The following CPNE4 variants were observed in gnomAD, a reference collection of about 807,000 sequenced individuals.
CPNE4 encodes copine 4, also known as copine-4.
CPNE4 carries 25 observed loss-of-function variants against 67.9 expected under a neutral mutation model. That is an observed-to-expected ratio of 0.37 (90% CI 0.27 to 0.51). CPNE4 has a LOEUF of 0.51. Ranked by LOEUF, CPNE4 falls within the 20% of genes least tolerant of loss-of-function variation. The pLI, the probability that CPNE4 is intolerant of heterozygous loss-of-function variation, is 0.93. For synonymous variants in CPNE4, 242 were observed against 244.9 expected (o/e 0.99, Z 0.11); for missense variants, 464 against 690.8 (o/e 0.67, Z 3.68).
intron 15 of CPNE4, among the ~76,000 whole-genome samples, chr3:131,538,084 T>C (rs937036374): frequency 6.6e-6 from 1 of 152,252 alleles, no homozygotes; most frequent in Non-Finnish European, 1.5e-5. Flanking sequence ...ATGTTACCCT[T>C]GGTTAAAAAC....
chr3:131,627,206 A>AAG (rs1342110309), intron 7 of CPNE4, among the ~76,000 whole-genome samples: 2 of 148,916 alleles, frequency 1.3e-5, no homozygotes, highest in Non-Finnish European at 1.5e-5. Context: ...AAAAAAAAAA[A>AAG]AAAAGAAAAA....
chr3:131,581,730 G>A (rs996915568), intron 8 of CPNE4, 65 bp from the exon 9 acceptor site: 3 of 1,094,654 alleles, frequency 2.7e-6, no homozygotes, highest in Admixed American at 1.7e-5. Context: ...ATAAGGCCAA[G>A]CTCCTAGGTG....
intron 6 of CPNE4, among the ~76,000 whole-genome samples, chr3:131,671,779 T>G (rs879758838): frequency 1.4e-4 from 21 of 152,272 alleles, no homozygotes; most frequent in Non-Finnish European, 2.6e-4. Flanking sequence ...TTTTATTTTT[T>G]GGGCTGTTAC....
intron 2 of CPNE4, among the ~76,000 whole-genome samples, chr3:131,825,964 T>G (rs2085142654): frequency 6.6e-6 from 1 of 152,226 alleles, no homozygotes; most frequent in Non-Finnish European, 1.5e-5. Context: ...CCCTTTTGGA[T>G]AAGCTTCCTT....
chr3:131,619,921 A>G (rs1940370596), intron 7 of CPNE4, among the ~76,000 whole-genome samples: 1 of 152,220 alleles, frequency 6.6e-6, no homozygotes, highest in South Asian at 2.1e-4. Flanking sequence ...TTAAGGAGGT[A>G]GAATTGACAG....
At chr3:131,732,113 G>A (rs1583101039) in intron 2 of CPNE4, among the ~76,000 whole-genome samples, 1 of 152,252 alleles carries the variant, frequency 6.6e-6, no homozygotes, top group East Asian at 1.9e-4. Context: ...AGGAACCAGG[G>A]CTAGTGTGTG....
At chr3:131,783,137 G>A (rs1042907315) in intron 2 of CPNE4, among the ~76,000 whole-genome samples, 3 of 152,002 alleles carry the variant, frequency 2.0e-5, no homozygotes, top group Admixed American at 6.6e-5. Flanking sequence ...AAATTAAAAC[G>A]ACAAATGCAA....
chr3:131,590,445 G>T (rs1236929885), intron 7 of CPNE4, among the ~76,000 whole-genome samples: 1 of 152,128 alleles, frequency 6.6e-6, no homozygotes, highest in Non-Finnish European at 1.5e-5. Flanking sequence ...TGACCTATGT[G>T]TGGGTAGGAA....
chr3:132,021,899 C>T (rs2074005341), intron 1 of CPNE4, among the ~76,000 whole-genome samples: 1 of 152,168 alleles, frequency 6.6e-6, no homozygotes, highest in African/African-American at 2.4e-5. Context: ...AACTGTTTCT[C>T]TCCATCCAAG....
chr3:132,010,081 G>A (rs553211975), intron 1 of CPNE4, among the ~76,000 whole-genome samples: 1 of 152,300 alleles, frequency 6.6e-6, no homozygotes, highest in Admixed American at 6.5e-5. Context: ...CATGGGGCGT[G>A]TCTTTGAAAA....
At chr3:131,631,480 A>G (rs2079220124) in intron 7 of CPNE4, among the ~76,000 whole-genome samples, 1 of 152,242 alleles carries the variant, frequency 6.6e-6, no homozygotes, top group South Asian at 2.1e-4. Flanking sequence ...AAACAATTCA[A>G]TTCAACAATG....
chr3:131,548,258 A>T (rs1935981406), intron 14 of CPNE4, among the ~76,000 whole-genome samples: 1 of 152,154 alleles, frequency 6.6e-6, no homozygotes, highest in African/African-American at 2.4e-5. Flanking sequence ...TATATATATG[A>T]AAAGTAGAGT....
intron 5 of CPNE4, among the ~76,000 whole-genome samples, chr3:131,693,847 C>T (rs1220620266): frequency 4.6e-5 from 7 of 152,170 alleles, no homozygotes; most frequent in Non-Finnish European, 1.0e-4. Flanking sequence ...TATTCATTAA[C>T]TCTCTGCTCC....
chr3:131,792,713 A>ATATATGTATATATATACACGTGTGTG (rs2083794035), intron 2 of CPNE4, among the ~76,000 whole-genome samples: 1 of 109,446 alleles, frequency 9.1e-6, no homozygotes, highest in Non-Finnish European at 1.8e-5. Flanking sequence ...ACACACGTGT[A>ATATATGTATATATATACACGTGTGTG]TATATGTATA....
chr3:131,974,064 C>T (rs1270750790), intron 1 of CPNE4, among the ~76,000 whole-genome samples: 1 of 152,138 alleles, frequency 6.6e-6, no homozygotes. Context: ...GAAGGGCTGT[C>T]ATTAAAATCC....
intron 2 of CPNE4, among the ~76,000 whole-genome samples, chr3:131,837,148 C>A (rs2085590084): frequency 6.6e-6 from 1 of 152,056 alleles, no homozygotes; most frequent in African/African-American, 2.4e-5. Flanking sequence ...ATGGTACCAC[C>A]AGTTTGGGAA....
chr3:131,942,463 T>TGTGTGAGA (rs2071424814), intron 1 of CPNE4, among the ~76,000 whole-genome samples: 35 of 70,756 alleles, frequency 4.9e-4, no homozygotes, highest in African/African-American at 1.4e-3. Context: ...TGTGTGTGTG[T>TGTGTGAGA]GAGAGAGAGA....
chr3:131,557,736 C>T (rs1297349285), intron 11 of CPNE4, among the ~76,000 whole-genome samples: 1 of 151,976 alleles, frequency 6.6e-6, no homozygotes, highest in Non-Finnish European at 1.5e-5. Context: ...ACTTCTGGGT[C>T]CTTGGACATA....
rs200397145 is a variant in CPNE4 at position 131,806,407 on chromosome 3, G to A, written c.181-82782C>T. On this transcript the variant is annotated intron_variant, in intron 2 of 15. Coordinates refer to ENST00000429747, the MANE Select transcript of CPNE4 (RefSeq NM_130808.3). ...CTACTAAAAATACAAAAAATTAGCC[G>A]GGCATAGTGGCGGGCGCCTGTAATC... Among the ~76,000 whole-genome samples the A allele has an allele frequency of 3.6e-4, 55 of 152,002 alleles. No homozygotes were observed. The East Asian group carries it at 8.5e-3, about 24-fold the overall frequency.
Sources: gnomAD v4.1 joint callset for allele counts (sites outside exome capture counted in the v4.1 genomes callset) on GRCh38, gnomAD v4.1.1 for gene constraint, MANE v1.5 for transcripts, NCBI Gene and HGNC (gene_info 2026-07-23, HGNC 2026-07-21) for gene names.